XPNPEP1: variants seen among roughly 807,000 people sequenced by gnomAD.
XPNPEP1 encodes the protein xaa-Pro aminopeptidase 1.
A neutral mutation model predicts 92.4 loss-of-function variants in XPNPEP1; 39 were observed. The observed-to-expected ratio is 0.42, with a 90% CI of 0.33 to 0.55. The LOEUF is 0.55. XPNPEP1 is among the 20% of genes least tolerant of loss of function. XPNPEP1 has a pLI of 0.08. For missense variants in XPNPEP1, 654 were observed against 856.1 expected (o/e 0.76, Z 2.95); for synonymous variants, 307 against 299.4 (o/e 1.03, Z -0.26).
chr10:109,923,174 G>C (rs1391690274), intron 1 of XPNPEP1: 1 of 985,178 alleles, frequency 1.0e-6, no homozygotes, highest in Non-Finnish European at 1.2e-6. Flanking sequence ...CCAGACTCGG[G>C]CCGCCCCGTG....
intron 2 of XPNPEP1, 74 bp from the exon 3 acceptor site, chr10:109,907,889 C>T (rs1849644596): frequency 6.3e-7 from 1 of 1,587,422 alleles, no homozygotes; most frequent in Non-Finnish European, 8.6e-7. Flanking sequence ...AAGTGGGCCA[C>T]AGAGAGAAGT....
intron 7 of XPNPEP1, 96 bp downstream of exon 7, chr10:109,887,953 A>C (rs1848484479): frequency 6.6e-7 from 1 of 1,520,518 alleles, no homozygotes; most frequent in African/African-American, 1.4e-5. Flanking sequence ...TGTCAGCTCC[A>C]ACTCGACTTG....
chr10:109,874,227 C>T (rs965881215), intron 15 of XPNPEP1, among the ~76,000 whole-genome samples: 31 of 152,250 alleles, frequency 2.0e-4, no homozygotes, highest in Non-Finnish European at 4.3e-4. Context: ...CTGACACACG[C>T]ATTCTTGGTC....
chr10:109,884,108 T>C lies in XPNPEP1; in HGVS notation c.789A>G (p.Pro263=), dbSNP rs771977414. 1.2e-6 allele frequency: 2 copies of C among 1,614,126 alleles called. No homozygotes were observed. The highest frequency in any genetic ancestry group is 4.5e-5 in the East Asian group (2 of 44,890). ...NLRGSDVEHN[P]VFFSYAIIGL... ...CTATGATTGCGTAGGAGAAAAATAC[T>C]GGATTGTGCTCCACATCTGATCCTC... Residue 263 remains proline, a synonymous_variant, in exon 9 of 21, where the codon CCA becomes CCG. Transcript: ENST00000502935.
At chr10:109,870,989 C>G (rs1847435544) in intron 17 of XPNPEP1, 85 bp from the exon 18 acceptor site, 14 of 1,472,926 alleles carry the variant, frequency 9.5e-6, no homozygotes, top group African/African-American at 2.8e-5. Context: ...GAACGTGAAA[C>G]AGAAACCAAT....
rs1234474555 is a variant in XPNPEP1, at chr10:109,878,882, A to AG, written c.1183-825dup. ...ACAGATGAGACCCCATCTCAAAATA[A>AG]GAAAAAAAAAAAGAAAAAAAATTTA... On this transcript the variant is annotated intron_variant, in intron 12 of 20. Transcript: ENST00000502935. 6.4e-4 allele frequency among the ~76,000 whole-genome samples: 97 copies of AG among 151,874 alleles called. 1 individual carries two copies. The highest frequency in any genetic ancestry group is 2.2e-3 in the African/African-American group (92 of 41,428).
At chr10:109,916,384 G>A (rs1589638315) in intron 1 of XPNPEP1, among the ~76,000 whole-genome samples, 1 of 152,204 alleles carries the variant, frequency 6.6e-6, no homozygotes, top group South Asian at 2.1e-4. Flanking sequence ...GGGATGGGGA[G>A]GTAAGTGGTT....
At chr10:109,865,367 G>C in intron 20 of XPNPEP1, 55 bp from the exon 21 acceptor site, 2 of 1,609,358 alleles carry the variant, frequency 1.2e-6, no homozygotes, top group Non-Finnish European at 1.7e-6. Context: ...TTAACAACTG[G>C]CTACACAGGT....
chr10:109,923,407 T>C lies in XPNPEP1; in HGVS notation c.27A>G (p.Arg9=). The C allele has an allele frequency of 6.9e-7, 1 of 1,439,654 alleles. No individual in the cohort carries two copies. Among genetic ancestry groups the C allele is most frequent in the South Asian group, 1.3e-5 (1 of 76,756 alleles). 89.2% of individuals were successfully genotyped at this position (1,439,654 alleles called of 1,614,324 possible). A position where few individuals can be genotyped will look rare whatever the true frequency, so the allele number is the denominator to read the frequency against. Residue 9 remains arginine (R), a synonymous_variant, in exon 1 of 21, where the codon CGA becomes CGG. Coordinates refer to ENST00000502935, the MANE Select transcript of XPNPEP1 (RefSeq NM_020383.4). ...TGCCGGCGGAGTGCCCTCACCTTAC[T>C]CGCGGTGGCTTTCTGGAGGCTGCCA... MAASRKPP[R]VRVNHQDFQL... is the part of the protein sequence containing the mutation.
chr10:109,884,338 C>A (rs1848273300), intron 8 of XPNPEP1, 190 bp from the exon 9 acceptor site: 4 of 578,426 alleles, frequency 6.9e-6, no homozygotes, highest in Non-Finnish European at 1.2e-5. Flanking sequence ...ATGTCCACCA[C>A]GTGATGGCAC....
intron 3 of XPNPEP1, chr10:109,893,300 C>A: frequency 2.3e-6 from 1 of 426,502 alleles, no homozygotes. Flanking sequence ...GCCTCTATTT[C>A]CTCATTAGGA....
Position 109,865,052 on chromosome 10 carries a change from G to A in XPNPEP1, c.*132C>T. 7.9e-7 allele frequency: 1 copy of A among 1,268,196 alleles called. No individual in the cohort carries two copies. Among genetic ancestry groups the A allele is most frequent in the Non-Finnish European group, 1.1e-6 (1 of 915,630 alleles). The allele number at this position is 1,268,196 out of a possible 1,614,324, so 78.6% of individuals were successfully genotyped here. ...ATCAAAGAGGATAAGAAGATTTTCTGTTCTTCTTAAAGTCTAAAGTAAAAA... is the reference window on the plus strand; with the variant it reads ...ATCAAAGAGGATAAGAAGATTTTCTATTCTTCTTAAAGTCTAAAGTAAAAA... On this transcript the variant is annotated 3_prime_UTR_variant, in exon 21 of 21. Transcript: ENST00000502935.
chr10:109,878,504 G>C (rs950417617), intron 12 of XPNPEP1: 1 of 167,598 alleles, frequency 6.0e-6, no homozygotes, highest in African/African-American at 2.4e-5. Context: ...AGAGCCACTA[G>C]ATGCAGTTTT....
intron 17 of XPNPEP1, 170 bp from the exon 18 acceptor site, chr10:109,871,074 A>G (rs1439757675): frequency 2.8e-6 from 2 of 715,628 alleles, no homozygotes; most frequent in East Asian, 5.8e-5. Flanking sequence ...CTCCTGAGAA[A>G]CCATCAGAGC....
chr10:109,911,431 G>T (rs577690255), intron 2 of XPNPEP1, among the ~76,000 whole-genome samples: 1 of 152,086 alleles, frequency 6.6e-6, no homozygotes, highest in South Asian at 2.1e-4. Flanking sequence ...CTAATCTACT[G>T]GGCCTATAAT....
intron 3 of XPNPEP1, among the ~76,000 whole-genome samples, chr10:109,901,050 T>C (rs1411257379): frequency 1.3e-5 from 2 of 152,082 alleles, no homozygotes; most frequent in African/African-American, 2.4e-5. Flanking sequence ...CCATCAGTGA[T>C]AGACTGGATT....
At chr10:109,873,316 T>A (rs1189338024) in intron 16 of XPNPEP1, 51 bp downstream of exon 16, 2 of 1,604,214 alleles carry the variant, frequency 1.2e-6, no homozygotes, top group Non-Finnish European at 1.7e-6. Context: ...AAAGCAATGC[T>A]CTTCTTAAGA....
At chr10:109,894,612 AC>A (rs1848885000) in intron 3 of XPNPEP1, among the ~76,000 whole-genome samples, 1 of 151,752 alleles carries the variant, frequency 6.6e-6, no homozygotes, top group South Asian at 2.1e-4. Context: ...ACAGCCTCAA[AC>A]CAGCCTCCAG....
chr10:109,894,372 A>T (rs527294621), intron 3 of XPNPEP1, among the ~76,000 whole-genome samples: 2 of 152,122 alleles, frequency 1.3e-5, no homozygotes, highest in East Asian at 1.9e-4. Flanking sequence ...GTCTACAAAA[A>T]ATACAATAAT....
Sources: gnomAD v4.1 joint callset for allele counts (sites outside exome capture counted in the v4.1 genomes callset) on GRCh38, gnomAD v4.1.1 for gene constraint, MANE v1.5 for transcripts, NCBI Gene and HGNC (gene_info 2026-07-23, HGNC 2026-07-21) for gene names.